Variants in KCNN2 observed in about 807,000 individuals in gnomAD.
The protein encoded by KCNN2 is small conductance calcium-activated potassium channel protein 2.
Under a neutral mutation model 55.5 loss-of-function variants are expected in KCNN2, and 24 were observed. That is an observed-to-expected ratio of 0.43 (90% CI 0.31 to 0.61). The LOEUF (loss-of-function observed/expected upper bound fraction) is 0.61, where lower values mean the gene tolerates loss of function less well. KCNN2 is among the 20% of genes least tolerant of loss of function. The pLI, the probability that KCNN2 is intolerant of heterozygous loss-of-function variation, is 0.08. For synonymous variants in KCNN2, 431 were observed against 336.1 expected (o/e 1.28, Z -3.09); for missense variants, 754 against 853.6 (o/e 0.88, Z 1.45).
chr5:114,490,824 C>T (rs1490665062), intron 6 of KCNN2: 1 of 397,144 alleles, frequency 2.5e-6, no homozygotes, highest in Non-Finnish European at 4.4e-6. Flanking sequence ...GATCCAAAAT[C>T]ATGATATTTT....
At chr5:114,238,765 A>G (rs1253264581) in intron 2 of KCNN2, among the ~76,000 whole-genome samples, 9 of 152,190 alleles carry the variant, frequency 5.9e-5, no homozygotes. Context: ...CCTATGTCCT[A>G]TCAGCCTGAG....
chr5:114,195,240 T>G (rs1230761243), intron 1 of KCNN2, among the ~76,000 whole-genome samples: 1 of 151,936 alleles, frequency 6.6e-6, no homozygotes, highest in Non-Finnish European at 1.5e-5. Flanking sequence ...CAGCTAGAAT[T>G]TTAATAGAGA....
chr5:114,391,832 G>A (rs1206792775), intron 2 of KCNN2, among the ~76,000 whole-genome samples: 1 of 152,128 alleles, frequency 6.6e-6, no homozygotes, highest in Non-Finnish European at 1.5e-5. Flanking sequence ...GTAGGTGGCT[G>A]CTGGTTCAGT....
rs571587951 is a variant in KCNN2 at position 114,155,162 on chromosome 5, T to C, written c.-270-66318T>C. 4.5e-4 allele frequency among the ~76,000 whole-genome samples: 68 copies of C among 152,206 alleles called. 1 individual carries two copies. The highest frequency in any genetic ancestry group is 1.5e-3 in the African/African-American group (63 of 41,556). ...TATTTGGTTTTCTGTTCCTGTGTTA[T>C]TTCGCTAAAGATAATGACCTCCAGC... On this transcript the variant is annotated intron_variant, in intron 1 of 10. Coordinates refer to the KCNN2 transcript ENST00000512097.
intron 2 of KCNN2, among the ~76,000 whole-genome samples, chr5:114,368,948 G>A (rs544388099): frequency 6.6e-6 from 1 of 151,956 alleles, no homozygotes; most frequent in Non-Finnish European, 1.5e-5. Context: ...TCTGAGAGCC[G>A]ATAGGCAAAT....
At chr5:114,317,898 G>A (rs1756531215) in intron 2 of KCNN2, among the ~76,000 whole-genome samples, 2 of 152,214 alleles carry the variant, frequency 1.3e-5, no homozygotes, top group African/African-American at 2.4e-5. Context: ...GGCAGCACAA[G>A]TATGACTATG....
chr5:114,352,057 T>C (rs758455348), intron 2 of KCNN2, among the ~76,000 whole-genome samples: 2 of 151,826 alleles, frequency 1.3e-5, no homozygotes, highest in Non-Finnish European at 3.0e-5. Flanking sequence ...CAACAGGGCC[T>C]GGCCATTTCT....
chr5:114,271,268 G>C (rs941634491), intron 2 of KCNN2, among the ~76,000 whole-genome samples: 4 of 151,954 alleles, frequency 2.6e-5, no homozygotes, highest in Non-Finnish European at 5.9e-5. Context: ...AGTTCTCCAG[G>C]TCCCCACCCG....
At chr5:114,202,586 T>TA (rs1554074534) in intron 1 of KCNN2, among the ~76,000 whole-genome samples, 12,718 of 65,094 alleles carry the variant, frequency 0.2, 710 homozygotes, top group Non-Finnish European at 0.26. Flanking sequence ...TATATATATA[T>TA]TTTTTTTTTT....
intron 2 of KCNN2, among the ~76,000 whole-genome samples, chr5:114,241,317 A>G (rs1277806508): frequency 6.6e-6 from 1 of 151,966 alleles, no homozygotes; most frequent in African/African-American, 2.4e-5. Flanking sequence ...GATAACGAAT[A>G]TAGTAGGATA....
At chr5:114,190,900 A>C (rs2112562730) in intron 1 of KCNN2, among the ~76,000 whole-genome samples, 1 of 152,280 alleles carries the variant, frequency 6.6e-6, no homozygotes, top group Non-Finnish European at 1.5e-5. Flanking sequence ...AGAAGCTGTA[A>C]TTCTTTATAG....
chr5:114,317,618 A>G (rs1007696347), intron 2 of KCNN2, among the ~76,000 whole-genome samples: 3 of 152,094 alleles, frequency 2.0e-5, no homozygotes, highest in Non-Finnish European at 2.9e-5. Context: ...TAGCTTTCTC[A>G]TGGTGGTGTT....
chr5:114,260,947 ATTGT>A (rs1282622132), intron 2 of KCNN2, among the ~76,000 whole-genome samples: 1 of 152,132 alleles, frequency 6.6e-6, no homozygotes, highest in Non-Finnish European at 1.5e-5. Context: ...AAAAAAGAAG[ATTGT>A]TTGTCTTTAG....
At chr5:114,284,637 C>T (rs903745989) in intron 2 of KCNN2, among the ~76,000 whole-genome samples, 2 of 152,018 alleles carry the variant, frequency 1.3e-5, no homozygotes, top group Non-Finnish European at 2.9e-5. Context: ...CCTGCCTCAG[C>T]CTCCCCAGTA....
intron 1 of KCNN2, among the ~76,000 whole-genome samples, chr5:114,152,578 G>A (rs1013163808): frequency 1.3e-5 from 2 of 152,076 alleles, no homozygotes; most frequent in African/African-American, 4.8e-5. Flanking sequence ...ATTTTTATGG[G>A]AGCTTATTCT....
chr5:114,492,397 A>G (rs994170545), intron 6 of KCNN2, among the ~76,000 whole-genome samples: 2 of 152,088 alleles, frequency 1.3e-5, no homozygotes, highest in African/African-American at 4.8e-5. Flanking sequence ...GATTGGCATG[A>G]CTTTTTGTTT....
chr5:114,063,294 G>A (rs1239913211), intron 1 of KCNN2, among the ~76,000 whole-genome samples: 1 of 152,238 alleles, frequency 6.6e-6, no homozygotes, highest in Non-Finnish European at 1.5e-5. Flanking sequence ...TCTCTGGCCA[G>A]TCAGCATTGA....
Position 114,364,014 on chromosome 5 carries a change from C to G in KCNN2, c.1218+13C>G, listed in dbSNP as rs1202274579. ...CAGGGAAATACAGGTAACTTAGGTC[C>G]TGCTGTTTATGAATGACCCAAAGCC... On this transcript the variant is annotated intron_variant, in intron 2 of 7. Transcript: ENST00000673685. The G allele has an allele frequency of 6.3e-7, 1 of 1,593,804 alleles. No individual in the cohort carries two copies. Among genetic ancestry groups the G allele is most frequent in the Non-Finnish European group, 8.6e-7 (1 of 1,161,678 alleles).
At chr5:114,433,378 C>T (rs1167586060) in intron 3 of KCNN2, among the ~76,000 whole-genome samples, 1 of 152,124 alleles carries the variant, frequency 6.6e-6, no homozygotes, top group Non-Finnish European at 1.5e-5. Flanking sequence ...CGTGGAGAAC[C>T]TTTGTGTCTA....
Sources: gnomAD v4.1 joint callset for allele counts (sites outside exome capture counted in the v4.1 genomes callset) on GRCh38, gnomAD v4.1.1 for gene constraint, MANE v1.5 for transcripts, NCBI Gene and HGNC (gene_info 2026-07-23, HGNC 2026-07-21) for gene names.